The following YARS1 variants were observed in gnomAD, a reference collection of about 807,000 sequenced individuals.
YARS1 encodes tyrosyl-tRNA synthetase 1, also known as tyrosine--tRNA ligase, cytoplasmic.
In YARS1, 36 loss-of-function variants were observed where a neutral mutation model predicts 62.2. That is an observed-to-expected ratio of 0.58 (90% CI 0.44 to 0.76). The LOEUF is 0.76. Among genes scored for constraint, YARS1 ranks in the 30% least tolerant of loss-of-function variants. The pLI is 0.00. For missense variants in YARS1, 524 were observed against 639.8 expected (o/e 0.82, Z 1.95); for synonymous variants, 234 against 244.9 (o/e 0.96, Z 0.42).
At chr1:32,805,261 G>C (rs1435041921) in intron 4 of YARS1, among the ~76,000 whole-genome samples, 2 of 136,612 alleles carry the variant, frequency 1.5e-5, no homozygotes, top group South Asian at 2.4e-4. Context: ...GAGGGGGAGA[G>C]GGGGAGAGGG....
At chr1:32,815,213 G>C (rs1181196910) in intron 1 of YARS1, among the ~76,000 whole-genome samples, 1 of 152,122 alleles carries the variant, frequency 6.6e-6, no homozygotes, top group Non-Finnish European at 1.5e-5. Context: ...GCCCGGCGTG[G>C]TGGTGCACGT....
intron 1 of YARS1, among the ~76,000 whole-genome samples, chr1:32,812,987 A>AC (rs1348995852): frequency 6.6e-6 from 1 of 151,474 alleles, no homozygotes; most frequent in African/African-American, 2.4e-5. Context: ...AAAAAAAAAA[A>AC]ACCTTGGCTT....
chr1:32,808,130 C>G (rs1392675430), intron 3 of YARS1, among the ~76,000 whole-genome samples: 2 of 152,070 alleles, frequency 1.3e-5, no homozygotes, highest in Admixed American at 1.3e-4. Flanking sequence ...TCTCGAATTC[C>G]TGAGCTCAAG....
At chr1:32,800,927 G>A (rs1261842874) in intron 4 of YARS1, among the ~76,000 whole-genome samples, 2 of 152,040 alleles carry the variant, frequency 1.3e-5, no homozygotes, top group East Asian at 1.9e-4. Flanking sequence ...TGCACACAAA[G>A]GAAACAGAAG....
At chr1:32,791,387 C>T (rs1372753905) in intron 5 of YARS1, 133 bp from the exon 6 acceptor site, 3 of 760,200 alleles carry the variant, frequency 3.9e-6, no homozygotes, top group Non-Finnish European at 7.0e-6. Flanking sequence ...AAATATGTAG[C>T]TTTGACAGTG....
rs887070267 is a variant in YARS1, at chr1:32,776,058, G to A, written c.1510C>T (p.Gln504Ter). 13 of 1,614,134 alleles carry A rather than the reference G, an allele frequency of 8.1e-6. No homozygotes were observed. The highest frequency in any genetic ancestry group is 1.1e-5 in the Non-Finnish European group (13 of 1,180,026). Residue 504 changes from glutamine to a stop codon, truncating the protein, a stop_gained, in exon 13 of 13, where the codon CAG becomes TAG. Transcript: ENST00000373477. LOFTEE classifies it high-confidence loss of function. The surrounding 1 kb of genome is among the most constrained non-coding windows in gnomAD (Gnocchi z 4.0). Reference sequence around the variant, plus strand: ...GTCATGAAGTTGGTTTGCTTCCACTGTGCGATGCACTCCTCAGAAATTTTG... The same window carrying A: ...GTCATGAAGTTGGTTTGCTTCCACTATGCGATGCACTCCTCAGAAATTTTG... ...DFKISEECIA[Q>*]WKQTNFMTKL...
At chr1:32,777,015 T>C (rs1652886157) in intron 12 of YARS1, among the ~76,000 whole-genome samples, 2 of 150,888 alleles carry the variant, frequency 1.3e-5, no homozygotes, top group African/African-American at 4.9e-5. Flanking sequence ...TAGAATACTA[T>C]ACAGTGCAAC....
intron 4 of YARS1, among the ~76,000 whole-genome samples, chr1:32,805,415 T>TA (rs774680215): frequency 2.0e-5 from 3 of 152,252 alleles, no homozygotes; most frequent in Admixed American, 6.5e-5. Flanking sequence ...GGCTTTAGAT[T>TA]AAGGTAACAT....
chr1:32,790,654 A>G (rs1343273292), intron 6 of YARS1: 1 of 149,660 alleles, frequency 6.7e-6, no homozygotes, highest in African/African-American at 2.5e-5. Flanking sequence ...TTTTTTTTAA[A>G]TTCCCTAGAT....
intron 3 of YARS1, among the ~76,000 whole-genome samples, 199 bp from the exon 4 acceptor site, chr1:32,806,810 T>A (rs779022156): frequency 3.3e-5 from 5 of 152,238 alleles, no homozygotes; most frequent in Non-Finnish European, 7.3e-5. Context: ...ATGTTCTTGC[T>A]TAAGAAATTT....
intron 7 of YARS1, 62 bp downstream of exon 7, chr1:32,786,878 T>C (rs985557606): frequency 1.3e-5 from 21 of 1,609,302 alleles, no homozygotes; most frequent in Non-Finnish European, 1.7e-5. Flanking sequence ...ATCACAAGTA[T>C]GATCACAGCA....
intron 1 of YARS1, 79 bp downstream of exon 1, chr1:32,817,108 GA>G: frequency 6.4e-7 from 1 of 1,572,636 alleles, no homozygotes. Flanking sequence ...CACATACTTA[GA>G]ACCCCGTAAT....
intron 12 of YARS1, among the ~76,000 whole-genome samples, chr1:32,778,561 C>T (rs779649568): frequency 3.3e-4 from 50 of 151,624 alleles, no homozygotes; most frequent in Admixed American, 5.3e-4. Context: ...TGTCTGCCAC[C>T]GCGCCCGGCC....
chr1:32,805,214 G>A (rs1319419187), intron 4 of YARS1, among the ~76,000 whole-genome samples: 1 of 129,270 alleles, frequency 7.7e-6, no homozygotes, highest in Non-Finnish European at 1.7e-5. Context: ...AGAGGGAGAC[G>A]GTGGAAAGGG....
chr1:32,780,189 C>T lies in YARS1; in HGVS notation c.1230G>A (p.Val410=), dbSNP rs1308275514. The change falls in exon 11 of 13, where the codon GTG becomes GTA. Residue 410 remains valine, a synonymous_variant. Coordinates refer to ENST00000373477, the MANE Select transcript of YARS1 (RefSeq NM_003680.4). ...GCCTGTCCTGCAGTTCCTCCTTGGG[C>T]ACGAACTGTACCAGGCCGCTCACCA... ...RTVVSGLVQF[V]PKEELQDRLV... 6.2e-7 allele frequency: 1 copy of T among 1,614,194 alleles called. No individual in the cohort carries two copies. Among genetic ancestry groups the T allele is most frequent in the East Asian group, 2.2e-5 (1 of 44,878 alleles).
chr1:32,791,237 G>T lies in YARS1; in HGVS notation c.609C>A (p.Gly203=). ...TCATCAGATGGACCCGTTTTGAATA[G>T]CCAAGTGCAGGGAGGTACTGAGAGA... The part of the protein sequence containing the change: ...TFAEKYLPAL[G]YSKRVHLMNP... Residue 203 remains glycine, a synonymous_variant, in exon 6 of 13, where the codon GGC becomes GGA. Transcript: ENST00000373477. The T allele has an allele frequency of 1.2e-6, 2 of 1,614,006 alleles. No individual in the cohort carries two copies. The highest frequency in any genetic ancestry group is 1.7e-6 in the Non-Finnish European group (2 of 1,179,920).
chr1:32,782,729 G>T, intron 8 of YARS1, 190 bp from the exon 9 acceptor site: 1 of 703,798 alleles, frequency 1.4e-6, no homozygotes, highest in Non-Finnish European at 2.3e-6. Flanking sequence ...CAAGTCTTTT[G>T]ATTCTGAAAT....
intron 5 of YARS1, 131 bp downstream of exon 5, chr1:32,797,632 T>C: frequency 1.2e-6 from 1 of 816,784 alleles, no homozygotes; most frequent in Non-Finnish European, 2.1e-6. Flanking sequence ...ATCCTCAGTG[T>C]TCTCATCTGC....
intron 4 of YARS1, among the ~76,000 whole-genome samples, chr1:32,799,645 GA>G (rs1272901830): frequency 6.6e-6 from 1 of 152,216 alleles, no homozygotes; most frequent in African/African-American, 2.4e-5. Flanking sequence ...CTGTGGTGAT[GA>G]ATATATTATA....
Sources: allele counts gnomAD v4.1 joint callset (sites outside exome capture counted in the v4.1 genomes callset), GRCh38; gene constraint gnomAD v4.1.1; non-coding constraint Gnocchi (gnomAD v3.1); transcripts MANE v1.5; gene names NCBI Gene and HGNC (gene_info 2026-07-23, HGNC 2026-07-21).